PRKAR2A: variants seen among roughly 807,000 people sequenced by gnomAD.
PRKAR2A encodes the protein protein kinase cAMP-dependent type II regulatory subunit alpha, also known as cAMP-dependent protein kinase type II-alpha regulatory subunit.
A neutral mutation model predicts 51.9 loss-of-function variants in PRKAR2A; 29 were observed. That is an observed-to-expected ratio of 0.56 (90% confidence interval 0.42 to 0.76). The LOEUF is 0.76. Among genes scored for constraint, PRKAR2A ranks in the 30% least tolerant of loss-of-function variants. The pLI is 0.00. For synonymous variants in PRKAR2A, 178 were observed against 186.2 expected (o/e 0.96, Z 0.36); for missense variants, 445 against 512.1 (o/e 0.87, Z 1.26).
intron 8 of PRKAR2A, among the ~76,000 whole-genome samples, chr3:48,762,010 T>G (rs2081869638): frequency 6.6e-6 from 1 of 152,216 alleles, no homozygotes; most frequent in South Asian, 2.1e-4. Flanking sequence ...GAACATATTA[T>G]TGATTTTGCA....
intron 1 of PRKAR2A, among the ~76,000 whole-genome samples, chr3:48,811,017 A>G (rs2082762151): frequency 6.6e-6 from 1 of 152,068 alleles, no homozygotes; most frequent in Non-Finnish European, 1.5e-5. Flanking sequence ...TGTCTTTACA[A>G]AAAATTTAAA....
chr3:48,763,179 G>T lies in PRKAR2A; in HGVS notation c.873+1825C>A, dbSNP rs1170840742. Reference sequence around the variant, plus strand: ...TAGTTTCTGATTCAGCAGGTCTGGTGGGGGGCTCCAGAACTTGCATTCCTA... The same window carrying T: ...TAGTTTCTGATTCAGCAGGTCTGGTTGGGGGCTCCAGAACTTGCATTCCTA... On this transcript the variant is annotated intron_variant, in intron 8 of 10. Coordinates refer to ENST00000265563, the MANE Select transcript of PRKAR2A (RefSeq NM_004157.4). Among the ~76,000 whole-genome samples, 4 of 152,124 alleles carry T rather than the reference G, an allele frequency of 2.6e-5. No individual in the cohort carries two copies. In the East Asian group the frequency reaches 7.7e-4, roughly 29 times the overall value.
chr3:48,789,001 A>G (rs1559621341), intron 4 of PRKAR2A, among the ~76,000 whole-genome samples: 1 of 152,116 alleles, frequency 6.6e-6, no homozygotes, highest in Middle Eastern at 3.4e-3. Context: ...CCTAAGAAGC[A>G]CTTACTACAC....
chr3:48,842,809 A>G (rs1204499450), intron 1 of PRKAR2A, among the ~76,000 whole-genome samples: 5 of 152,144 alleles, frequency 3.3e-5, no homozygotes, highest in African/African-American at 9.7e-5. Flanking sequence ...TGCTGGATTC[A>G]GTTTGCCAGT....
intron 1 of PRKAR2A, among the ~76,000 whole-genome samples, chr3:48,819,933 T>TGTGAAGTCCTTGTGG (rs962422442): frequency 6.6e-6 from 1 of 152,342 alleles, no homozygotes; most frequent in Non-Finnish European, 1.5e-5. Context: ...CTCTCACAGA[T>TGTGAAGTCCTTGTGG]GTGAAGTCCT....
intron 5 of PRKAR2A, among the ~76,000 whole-genome samples, chr3:48,774,901 A>C (rs1394901970): frequency 6.6e-6 from 1 of 152,092 alleles, no homozygotes; most frequent in African/African-American, 2.4e-5. Context: ...ATTAAGTGGA[A>C]GTGGTGAAAG....
At chr3:48,788,178 G>A (rs555014034) in intron 4 of PRKAR2A, among the ~76,000 whole-genome samples, 10 of 152,016 alleles carry the variant, frequency 6.6e-5, no homozygotes, top group South Asian at 2.1e-4. Flanking sequence ...CTACAGGTGC[G>A]CGCCACCACG....
intron 8 of PRKAR2A, among the ~76,000 whole-genome samples, chr3:48,763,775 C>T (rs1485236566): frequency 6.6e-6 from 1 of 152,026 alleles, no homozygotes; most frequent in Non-Finnish European, 1.5e-5. Context: ...TTCTCACTGT[C>T]GTTCATACTC....
chr3:48,811,550 A>G (rs2082770676), intron 1 of PRKAR2A, among the ~76,000 whole-genome samples: 1 of 152,218 alleles, frequency 6.6e-6, no homozygotes, highest in Non-Finnish European at 1.5e-5. Context: ...AAAAGCAGCC[A>G]GACACAAAAA....
intron 1 of PRKAR2A, among the ~76,000 whole-genome samples, chr3:48,825,618 T>C (rs182443526): frequency 1.1e-4 from 17 of 152,188 alleles, no homozygotes; most frequent in Middle Eastern, 3.4e-3. Context: ...TGCTCCAGCC[T>C]GGACAAGAGA....
chr3:48,789,337 C>T (rs892720508), intron 4 of PRKAR2A, among the ~76,000 whole-genome samples: 2 of 152,096 alleles, frequency 1.3e-5, no homozygotes, highest in African/African-American at 4.8e-5. Flanking sequence ...CATTTCTGTT[C>T]CACCCACAAA....
Position 48,817,785 on chromosome 3 carries a change from T to C in PRKAR2A, c.263-10101A>G, listed in dbSNP as rs2082897869. Among the ~76,000 whole-genome samples, 5 of 151,700 alleles carry C rather than the reference T, an allele frequency of 3.3e-5. No individual in the cohort carries two copies. The South Asian group carries it at 1.0e-3, about 32-fold the overall frequency. On this transcript the variant is annotated intron_variant, in intron 1 of 10. Transcript: ENST00000265563. The stretch of plus-strand genomic sequence containing the variant: ...TTTAAAAACAAAAACAATGGAGACA[T>C]CTTAACCAAGCAAAAAAAGATTTGG...
intron 1 of PRKAR2A, among the ~76,000 whole-genome samples, chr3:48,837,530 AACAG>A (rs1341033647): frequency 9.9e-5 from 15 of 152,194 alleles, no homozygotes; most frequent in African/African-American, 3.1e-4. Flanking sequence ...CACTTTGGAA[AACAG>A]ACTGGCAATT....
chr3:48,775,494 C>T (rs1479301239), intron 5 of PRKAR2A, among the ~76,000 whole-genome samples: 3 of 146,494 alleles, frequency 2.0e-5, no homozygotes, highest in Non-Finnish European at 4.5e-5. Flanking sequence ...TATTGATCGG[C>T]AATAATGGCT....
At chr3:48,812,232 A>T (rs2082784811) in intron 1 of PRKAR2A, among the ~76,000 whole-genome samples, 1 of 152,230 alleles carries the variant, frequency 6.6e-6, no homozygotes, top group African/African-American at 2.4e-5. Flanking sequence ...AGAAATAAGC[A>T]GGAAAAAACT....
At chr3:48,804,627 G>A (rs1389259237) in intron 2 of PRKAR2A, among the ~76,000 whole-genome samples, 2 of 152,144 alleles carry the variant, frequency 1.3e-5, no homozygotes, top group African/African-American at 4.8e-5. Context: ...GGACAGCAAA[G>A]GAGGTGAGAA....
At chr3:48,787,061 T>C (rs977920932) in intron 4 of PRKAR2A, among the ~76,000 whole-genome samples, 2 of 152,126 alleles carry the variant, frequency 1.3e-5, no homozygotes, top group Non-Finnish European at 2.9e-5. Flanking sequence ...CTGCCACAGA[T>C]TGGAGGAGAC....
chr3:48,839,287 T>TA (rs749588693), intron 1 of PRKAR2A, among the ~76,000 whole-genome samples: 166 of 119,652 alleles, frequency 1.4e-3, no homozygotes, highest in Admixed American at 1.7e-3. Context: ...AAATTCCGTC[T>TA]AAAAAAAAAA....
intron 1 of PRKAR2A, among the ~76,000 whole-genome samples, chr3:48,825,054 G>C (rs1240342119): frequency 1.1e-5 from 1 of 92,974 alleles, no homozygotes; most frequent in African/African-American, 4.3e-5. Context: ...TTTTTTTGGA[G>C]ACAGAGTTTC....
Sources: allele counts gnomAD v4.1 joint callset (sites outside exome capture counted in the v4.1 genomes callset), GRCh38; gene constraint gnomAD v4.1.1; transcripts MANE v1.5; gene names NCBI Gene and HGNC (gene_info 2026-07-23, HGNC 2026-07-21).